The following CHKA variants were observed in gnomAD, a reference collection of about 807,000 sequenced individuals.
CHKA encodes choline kinase alpha, also known as CHETK-alpha.
In CHKA, 34 loss-of-function variants were observed where a neutral mutation model predicts 60.1. The observed-to-expected ratio is 0.57, with a 90% CI of 0.43 to 0.75. The LOEUF (loss-of-function observed/expected upper bound fraction) is 0.75. Ranked by LOEUF, CHKA falls within the 30% of genes least tolerant of loss-of-function variation. The pLI is 0.00. For missense variants in CHKA, 563 were observed against 561.3 expected (o/e 1.00, Z -0.03); for synonymous variants, 217 against 223.1 (o/e 0.97, Z 0.24).
chr11:68,085,704 G>A (rs1857157000), intron 2 of CHKA, among the ~76,000 whole-genome samples: 1 of 152,034 alleles, frequency 6.6e-6, no homozygotes. Context: ...TTTGATACAA[G>A]GTTTCAAATG....
chr11:68,107,006 C>T (rs1434554713), intron 1 of CHKA, among the ~76,000 whole-genome samples: 1 of 152,184 alleles, frequency 6.6e-6, no homozygotes, highest in East Asian at 1.9e-4. Flanking sequence ...GTAATCCCAG[C>T]ACTTTGGGAG....
In CHKA at chr11:68,052,980, G is replaced by A. The variant is rs1290660191; in HGVS notation, c.*1008C>T. 6.6e-6 allele frequency: 1 copy of A among 152,538 alleles called. No individual in the cohort carries two copies. The highest frequency in any genetic ancestry group is 1.5e-5 in the Non-Finnish European group (1 of 68,026). The allele number at this position is 152,538 out of a possible 1,614,324, so 9.4% of individuals were successfully genotyped here. A position where few individuals can be genotyped will look rare whatever the true frequency, so the allele number is the denominator to read the frequency against. On this transcript the variant is annotated 3_prime_UTR_variant, in exon 12 of 12. Transcript: ENST00000265689. Reference sequence around the variant, plus strand: ...AGTCAGCTAAGACTGTATCCCGCAGGACATTTCATATATATGGATTTCACA... The same window carrying A: ...AGTCAGCTAAGACTGTATCCCGCAGAACATTTCATATATATGGATTTCACA...
chr11:68,112,053 CAAAAAAA>C (rs754639082), intron 1 of CHKA, among the ~76,000 whole-genome samples: 2 of 20,900 alleles, frequency 9.6e-5, no homozygotes, highest in Non-Finnish European at 1.5e-4. Context: ...AACTCCGTCT[CAAAAAAA>C]AAAAAAAAAA....
chr11:68,075,400 G>T (rs938198745), intron 3 of CHKA, among the ~76,000 whole-genome samples: 1 of 151,574 alleles, frequency 6.6e-6, no homozygotes, highest in African/African-American at 2.4e-5. Flanking sequence ...TGGCACACCC[G>T]ACCTTTTCCT....
At chr11:68,086,975 G>A (rs2134620950) in intron 2 of CHKA, among the ~76,000 whole-genome samples, 1 of 111,448 alleles carries the variant, frequency 9.0e-6, no homozygotes. Flanking sequence ...GACAGAGCGA[G>A]ACTCCGTCTC....
chr11:68,120,055 C>A (rs1182243516), intron 1 of CHKA, among the ~76,000 whole-genome samples: 6 of 151,898 alleles, frequency 4.0e-5, no homozygotes. Flanking sequence ...ATGGAGAAAC[C>A]TTGTCTCTAC....
At chr11:68,057,892 GTTTT>G (rs1264013943) in intron 11 of CHKA, among the ~76,000 whole-genome samples, 2 of 151,610 alleles carry the variant, frequency 1.3e-5, no homozygotes, top group East Asian at 1.9e-4. Flanking sequence ...CATCTGATTT[GTTTT>G]TTGTTTTGTT....
chr11:68,101,700 A>C (rs1447951626), intron 1 of CHKA, among the ~76,000 whole-genome samples: 1 of 152,174 alleles, frequency 6.6e-6, no homozygotes, highest in African/African-American at 2.4e-5. Flanking sequence ...CAAGGAGGTG[A>C]AAGAGCTCTG....
chr11:68,092,256 A>G (rs1037020165), intron 2 of CHKA, among the ~76,000 whole-genome samples: 2 of 152,180 alleles, frequency 1.3e-5, no homozygotes, highest in Non-Finnish European at 2.9e-5. Flanking sequence ...ACATCTCTCA[A>G]TTAATGCAAA....
chr11:68,105,098 C>T (rs1328339303), intron 1 of CHKA, among the ~76,000 whole-genome samples: 1 of 149,914 alleles, frequency 6.7e-6, no homozygotes, highest in African/African-American at 2.4e-5. Context: ...AGTGAAACTC[C>T]ATCTCAAAAA....
chr11:68,074,171 GAA>G lies in CHKA; in HGVS notation c.630+544_630+545del, dbSNP rs1228224398. Among the ~76,000 whole-genome samples, 7 of 152,346 alleles carry G rather than the reference GAA, an allele frequency of 4.6e-5. No homozygotes were observed. In the East Asian group the frequency reaches 1.3e-3, roughly 29 times the overall value. On this transcript the variant is annotated intron_variant, in intron 4 of 11. Transcript: ENST00000265689. The stretch of plus-strand genomic sequence containing the variant: ...CATTAAAACTGCCTTGGGACAATAA[GAA>G]AGGGAAAATAATCCTGACTGCTTAG...
chr11:68,081,312 T>A lies in CHKA; in HGVS notation c.516+92A>T, dbSNP rs1856979325. 6 of 969,856 alleles carry A rather than the reference T, an allele frequency of 6.2e-6. No individual in the cohort carries two copies. The South Asian group carries it at 8.3e-5, about 13-fold the overall frequency. 60.1% of individuals were successfully genotyped at this position (969,856 alleles called of 1,614,324 possible). On this transcript the variant is annotated intron_variant, in intron 3 of 11. Coordinates refer to ENST00000265689, the MANE Select transcript of CHKA (RefSeq NM_001277.3). ...AAGATAGATCAGGATTTTCCAAGGG[T>A]AGATAAGAGGCACTGCCAAGCCCTG...
intron 1 of CHKA, among the ~76,000 whole-genome samples, chr11:68,118,246 A>G (rs538121022): frequency 3.9e-5 from 6 of 152,276 alleles, no homozygotes; most frequent in Admixed American, 3.9e-4. Context: ...GTTCAAGACC[A>G]GCCTGGGCAA....
intron 1 of CHKA, among the ~76,000 whole-genome samples, chr11:68,103,894 C>G (rs1251249101): frequency 2.0e-5 from 3 of 151,812 alleles, no homozygotes; most frequent in African/African-American, 7.3e-5. Context: ...GCCTGGGAGA[C>G]AGAGCAAGGC....
At chr11:68,068,775 T>C (rs953947555) in intron 7 of CHKA, 104 bp downstream of exon 7, 34 of 713,586 alleles carry the variant, frequency 4.8e-5, no homozygotes, top group Non-Finnish European at 8.0e-5. Flanking sequence ...TACTTTAATG[T>C]ACCTAATACT....
intron 2 of CHKA, among the ~76,000 whole-genome samples, chr11:68,084,674 T>A (rs1342258111): frequency 1.3e-5 from 2 of 151,940 alleles, no homozygotes; most frequent in Non-Finnish European, 2.9e-5. Context: ...TAAATTTTTT[T>A]AATGTGAACA....
chr11:68,056,698 A>G (rs927337084), intron 11 of CHKA, among the ~76,000 whole-genome samples: 1 of 152,054 alleles, frequency 6.6e-6, no homozygotes, highest in Admixed American at 6.6e-5. Context: ...CCACCTATTT[A>G]TCTCTTCACC....
intron 4 of CHKA, 87 bp downstream of exon 4, chr11:68,074,630 G>A: frequency 9.0e-7 from 1 of 1,105,588 alleles, no homozygotes; most frequent in Admixed American, 1.7e-5. Context: ...TGAAAACACA[G>A]CATTGCAGGT....
At chr11:68,120,623 G>A (rs962722549) in intron 1 of CHKA, among the ~76,000 whole-genome samples, 3 of 152,172 alleles carry the variant, frequency 2.0e-5, no homozygotes, top group Non-Finnish European at 4.4e-5. Flanking sequence ...GCCTGCGGCG[G>A]CCGCGAACCC....
Sources: allele counts gnomAD v4.1 joint callset (sites outside exome capture counted in the v4.1 genomes callset), GRCh38; gene constraint gnomAD v4.1.1; transcripts MANE v1.5; gene names NCBI Gene and HGNC (gene_info 2026-07-23, HGNC 2026-07-21).